Variants in MGAT4C observed in about 807,000 individuals in gnomAD.
MGAT4C encodes the protein MGAT4 family member C, also known as alpha-1,3-mannosyl-glycoprotein 4-beta-N-acetylglucosaminyltransferase C.
In MGAT4C, 19 loss-of-function variants were observed where a neutral mutation model predicts 40.1. The ratio of observed to expected loss-of-function variants is 0.47; its 90% CI spans 0.33 to 0.70. The LOEUF (loss-of-function observed/expected upper bound fraction) is 0.70. Among genes scored for constraint, MGAT4C ranks in the 30% least tolerant of loss-of-function variants. The pLI, the probability that MGAT4C is intolerant of heterozygous loss-of-function variation, is 0.02. For synonymous variants in MGAT4C, 181 were observed against 187.1 expected (o/e 0.97, Z 0.27); for missense variants, 491 against 563.2 (o/e 0.87, Z 1.30).
intron 2 of MGAT4C, among the ~76,000 whole-genome samples, chr12:86,043,694 A>G (rs1892096956): frequency 6.6e-6 from 1 of 152,208 alleles, no homozygotes. Context: ...GATATTAACC[A>G]TCACATCCTC....
chr12:86,814,274 G>A (rs1360839281), intron 1 of MGAT4C, among the ~76,000 whole-genome samples: 1 of 105,100 alleles, frequency 9.5e-6, no homozygotes, highest in Non-Finnish European at 2.0e-5. Flanking sequence ...ATACATATAC[G>A]TATATATATA....
chr12:86,120,765 T>C (rs1879250022), intron 1 of MGAT4C, among the ~76,000 whole-genome samples: 2 of 151,934 alleles, frequency 1.3e-5, no homozygotes, highest in African/African-American at 4.8e-5. Context: ...AGACCAAAGG[T>C]AGATAAAACC....
chr12:86,435,098 T>G (rs1592844364), intron 3 of MGAT4C: 1 of 151,876 alleles, frequency 6.6e-6, no homozygotes, highest in East Asian at 1.9e-4. Flanking sequence ...CACATTATGG[T>G]TTAAAAGGAT....
At chr12:86,570,012 CAG>C (rs1257305284) in intron 2 of MGAT4C, among the ~76,000 whole-genome samples, 1 of 151,962 alleles carries the variant, frequency 6.6e-6, no homozygotes, top group Non-Finnish European at 1.5e-5. Flanking sequence ...CTCATTGTAG[CAG>C]AGAGTATGAT....
intron 1 of MGAT4C, among the ~76,000 whole-genome samples, chr12:86,127,280 G>A (rs890341493): frequency 6.6e-6 from 1 of 152,122 alleles, no homozygotes; most frequent in Admixed American, 6.5e-5. Flanking sequence ...TAACACAGTG[G>A]TAAGTATTTG....
intron 1 of MGAT4C, among the ~76,000 whole-genome samples, chr12:86,743,503 T>G (rs1201905001): frequency 1.3e-5 from 2 of 151,548 alleles, no homozygotes; most frequent in Non-Finnish European, 3.0e-5. Flanking sequence ...AATAAGACAT[T>G]ACAGCTTTCA....
chr12:86,759,200 G>T (rs1403648685), intron 1 of MGAT4C, among the ~76,000 whole-genome samples: 1 of 152,002 alleles, frequency 6.6e-6, no homozygotes, highest in Admixed American at 6.6e-5. Flanking sequence ...CATTCATGAT[G>T]CTGCAACTGT....
At chr12:85,994,587 C>G (rs1436370042) in intron 2 of MGAT4C, among the ~76,000 whole-genome samples, 1 of 151,272 alleles carries the variant, frequency 6.6e-6, no homozygotes, top group Non-Finnish European at 1.5e-5. Flanking sequence ...TTTTCTACAC[C>G]TTGGTTTAGG....
At chr12:86,509,419 T>G (rs1958532351) in intron 2 of MGAT4C, among the ~76,000 whole-genome samples, 1 of 152,238 alleles carries the variant, frequency 6.6e-6, no homozygotes, top group Non-Finnish European at 1.5e-5. Flanking sequence ...CATTGATCTA[T>G]ATCTCTGTTT....
chr12:86,539,562 T>C (rs1959136876), intron 2 of MGAT4C, among the ~76,000 whole-genome samples: 1 of 152,210 alleles, frequency 6.6e-6, no homozygotes, highest in Non-Finnish European at 1.5e-5. Flanking sequence ...CTGGGTCAAA[T>C]GGTATTTCTA....
At chr12:86,814,357 CGT>C (rs1952555289) in intron 1 of MGAT4C, among the ~76,000 whole-genome samples, 1 of 1,148 alleles carries the variant, frequency 8.7e-4, no homozygotes, top group Admixed American at 0.018. Context: ...TATACATATA[CGT>C]ATATATATAC....
At chr12:86,221,440 C>T (rs1159522622) in intron 1 of MGAT4C, among the ~76,000 whole-genome samples, 1 of 152,124 alleles carries the variant, frequency 6.6e-6, no homozygotes, top group Non-Finnish European at 1.5e-5. Flanking sequence ...TAAACAAGCT[C>T]ATTATAGTGA....
intron 3 of MGAT4C, among the ~76,000 whole-genome samples, chr12:86,337,462 A>G (rs534090426): frequency 6.6e-6 from 1 of 151,924 alleles, no homozygotes; most frequent in African/African-American, 2.4e-5. Context: ...CAGTTGTGAT[A>G]GTCCCAGCTA....
intron 2 of MGAT4C, among the ~76,000 whole-genome samples, chr12:86,642,781 A>G (rs538121806): frequency 6.6e-6 from 1 of 151,586 alleles, no homozygotes; most frequent in Non-Finnish European, 1.5e-5. Context: ...TTTTTCATAA[A>G]ACATTTTATA....
chr12:86,759,042 C>T (rs923002021), intron 1 of MGAT4C, among the ~76,000 whole-genome samples: 14 of 152,050 alleles, frequency 9.2e-5, no homozygotes, highest in African/African-American at 1.7e-4. Flanking sequence ...CATCCTCCCT[C>T]CCCGCTCTGT....
chr12:86,306,400 G>A (rs1953935442), intron 4 of MGAT4C, among the ~76,000 whole-genome samples: 1 of 150,298 alleles, frequency 6.7e-6, no homozygotes, highest in South Asian at 2.1e-4. Flanking sequence ...ACAATAACAT[G>A]GATTAGTCTC....
At chr12:86,716,742 T>C (rs537284147) in intron 2 of MGAT4C, among the ~76,000 whole-genome samples, 1 of 152,126 alleles carries the variant, frequency 6.6e-6, no homozygotes, top group South Asian at 2.1e-4. Flanking sequence ...GACAGATACA[T>C]GCCTTATAAT....
chr12:86,775,336 A>G (rs1951731597), intron 1 of MGAT4C, among the ~76,000 whole-genome samples: 1 of 151,750 alleles, frequency 6.6e-6, no homozygotes, highest in African/African-American at 2.4e-5. Flanking sequence ...ATTCATATAT[A>G]TATATTTAAC....
chr12:86,025,285 A>T (rs1251803297), intron 2 of MGAT4C, among the ~76,000 whole-genome samples: 1 of 151,736 alleles, frequency 6.6e-6, no homozygotes, highest in African/African-American at 2.4e-5. Flanking sequence ...AATAATTTCA[A>T]CAGTGAAAAT....
Sources: gnomAD v4.1 joint callset for allele counts (sites outside exome capture counted in the v4.1 genomes callset) on GRCh38, gnomAD v4.1.1 for gene constraint, MANE v1.5 for transcripts, NCBI Gene and HGNC (gene_info 2026-07-23, HGNC 2026-07-21) for gene names.